Variants in CHST12 observed in about 807,000 individuals in gnomAD.
CHST12 encodes carbohydrate (chondroitin 4) sulfotransferase 12.
Under a neutral mutation model 27.9 loss-of-function variants are expected in CHST12, and 23 were observed. That is an observed-to-expected ratio of 0.82 (90% confidence interval 0.59 to 1.17). The LOEUF is 1.17. Ranked by LOEUF, CHST12 falls within the 50% of genes most tolerant of loss-of-function variation. CHST12 has a pLI of 0.00. For missense variants in CHST12, 682 were observed against 603.0 expected, an observed-to-expected ratio of 1.13 and a Z score of -1.37; for synonymous variants, 322 against 273.0, an observed-to-expected ratio of 1.18 and a Z score of -1.77.
In CHST12 at chr7:2,444,717, G is replaced by C. The variant is rs1782705870; in HGVS notation, c.*10833G>C. ...AGGCACTCAAGGAGGACAGCATTGG[G>C]AGATGGCTGGGTGGAGAGTCTGCGG... On this transcript the variant is annotated 3_prime_UTR_variant, in exon 2 of 2. Coordinates refer to ENST00000618655, the MANE Select transcript of CHST12 (RefSeq NM_018641.5). The C allele has an allele frequency of 6.6e-6, 1 of 152,330 alleles. No homozygotes were observed. Among genetic ancestry groups the C allele is most frequent in the African/African-American group, 2.4e-5 (1 of 41,448 alleles). The allele number at this position is 152,330 out of a possible 1,614,324, so 9.4% of individuals were successfully genotyped here. A position where few individuals can be genotyped will look rare whatever the true frequency, so the allele number is the denominator to read the frequency against.
rs1022685356 is a variant in CHST12 at position 2,441,496 on chromosome 7, C to A, written c.*7612C>A. 6.6e-6 allele frequency: 1 copy of A among 151,984 alleles called. No individual in the cohort carries two copies. The highest frequency in any genetic ancestry group is 6.6e-5 in the Admixed American group (1 of 15,244). 9.4% of individuals were successfully genotyped at this position (151,984 alleles called of 1,614,324 possible). On this transcript the variant is annotated 3_prime_UTR_variant, in exon 2 of 2. Coordinates refer to ENST00000618655, the MANE Select transcript of CHST12 (RefSeq NM_018641.5). ...TTGCTTGAGCCCAGAAGTTTGAGAC[C>A]AGTCTGGGCAACATAGTGGAAACTT...
chr7:2,418,081 C>G (rs573548021), intron 1 of CHST12, among the ~76,000 whole-genome samples: 30 of 152,220 alleles, frequency 2.0e-4, no homozygotes, highest in Non-Finnish European at 3.7e-4. Context: ...TGCTAGCTGC[C>G]TTTTCTTTCT....
At chr7:2,407,826 G>T (rs1352538735) in intron 1 of CHST12, among the ~76,000 whole-genome samples, 1 of 152,140 alleles carries the variant, frequency 6.6e-6, no homozygotes, top group Non-Finnish European at 1.5e-5. Context: ...TACTCAGGAG[G>T]CTGAGGCAGG....
intron 1 of CHST12, among the ~76,000 whole-genome samples, chr7:2,427,373 T>TAA (rs1432918210): frequency 2.0e-5 from 3 of 151,850 alleles, no homozygotes; most frequent in Admixed American, 6.6e-5. Flanking sequence ...CAGTGGTGTG[T>TAA]ATCTGCAGTC....
chr7:2,432,940 G>T lies in CHST12; in HGVS notation c.301G>T (p.Val101Leu). The T allele has an allele frequency of 1.2e-6, 2 of 1,612,342 alleles. No individual in the cohort carries two copies. The highest frequency in any genetic ancestry group is 1.7e-6 in the Non-Finnish European group (2 of 1,179,440). Residue 101 changes from valine (V) to leucine (L), a missense_variant, in exon 2 of 2, where the codon GTG becomes TTG. Coordinates refer to ENST00000618655, the MANE Select transcript of CHST12 (RefSeq NM_018641.5). ...PPAPGSMEES[V>L]RGYDWSPRDA... ...TGCGCCGGGGAGCATGGAGGAGAGC[G>T]TGAGAGGCTACGACTGGTCCCCGCG...
At chr7:2,426,944 T>C (rs930243922) in intron 1 of CHST12, among the ~76,000 whole-genome samples, 2 of 151,914 alleles carry the variant, frequency 1.3e-5, no homozygotes, top group African/African-American at 4.8e-5. Context: ...TGAGCCAAGA[T>C]CATGCCACTG....
chr7:2,431,585 C>A (rs1583224947), intron 1 of CHST12, among the ~76,000 whole-genome samples: 1 of 152,212 alleles, frequency 6.6e-6, no homozygotes, highest in Admixed American at 6.5e-5. Context: ...CTGGACCACA[C>A]TGACAGTACC....
At chr7:2,429,276 T>C (rs2115433629) in intron 1 of CHST12, among the ~76,000 whole-genome samples, 1 of 152,334 alleles carries the variant, frequency 6.6e-6, no homozygotes, top group South Asian at 2.1e-4. Flanking sequence ...GGTTTCGCCA[T>C]GTTGGCCAGG....
rs1782720645 is a variant in CHST12 at position 2,445,277 on chromosome 7, G to C, written c.*11393G>C. 1 of 152,254 alleles carries C rather than the reference G, an allele frequency of 6.6e-6. No homozygotes were observed. The highest frequency in any genetic ancestry group is 2.4e-5 in the African/African-American group (1 of 41,430). The allele number at this position is 152,254 out of a possible 1,614,324, so 9.4% of individuals were successfully genotyped here. ...TGTCCTGGGATGTTGTGGAGGACTT[G>C]GCACGCCCTGTCTCAGGCCTGGCTC... On this transcript the variant is annotated 3_prime_UTR_variant, in exon 2 of 2. Transcript: ENST00000618655.
chr7:2,433,412 A>C lies in CHST12; in HGVS notation c.773A>C (p.Lys258Thr), dbSNP rs1463862579. Residue 258 changes from lysine to threonine, a missense_variant, in exon 2 of 2, where the codon AAG becomes ACG. Transcript: ENST00000618655. This position sits in a 1 kb window ranked among gnomAD's most constrained non-coding sequence, Gnocchi z 6.1. ...CGCCTGATCTCCGCCTTCCGCAGCA[A>C]GTTCGAGCTGGAGAACGAGGAGTTC... ...FVRLISAFRSKFELENEEFYR... is the reference protein window; with the variant it reads ...FVRLISAFRSTFELENEEFYR... 1 of 1,609,654 alleles carries C rather than the reference A, an allele frequency of 6.2e-7. No homozygotes were observed. Among genetic ancestry groups the C allele is most frequent in the East Asian group, 2.2e-5 (1 of 44,862 alleles).
At chr7:2,407,542 A>C (rs1781555623) in intron 1 of CHST12, among the ~76,000 whole-genome samples, 1 of 152,208 alleles carries the variant, frequency 6.6e-6, no homozygotes, top group Non-Finnish European at 1.5e-5. Flanking sequence ...TAGAACCCAA[A>C]CTTTCTGGGT....
chr7:2,409,206 G>T (rs1269089645), intron 1 of CHST12, among the ~76,000 whole-genome samples: 6 of 152,156 alleles, frequency 3.9e-5, no homozygotes, highest in African/African-American at 1.2e-4. Context: ...GAGAAGGTGT[G>T]GGGAGGAGAG....
At chr7:2,403,727 C>T (rs1225959256) in intron 1 of CHST12, 54 bp downstream of exon 1, 1 of 152,240 alleles carries the variant, frequency 6.6e-6, no homozygotes, top group Admixed American at 6.6e-5. Flanking sequence ...CTCTCTCGGC[C>T]AGTGCTGGGC....
chr7:2,424,586 C>T (rs1453330285), intron 1 of CHST12, among the ~76,000 whole-genome samples: 1 of 152,146 alleles, frequency 6.6e-6, no homozygotes, highest in Non-Finnish European at 1.5e-5. Context: ...GGGCAATCCG[C>T]CTGTTTGTGC....
At chr7:2,414,966 CA>C (rs761957814) in intron 1 of CHST12, among the ~76,000 whole-genome samples, 13 of 152,224 alleles carry the variant, frequency 8.5e-5, no homozygotes, top group Admixed American at 7.2e-4. Flanking sequence ...TTTATCTCTA[CA>C]GGCATACTTC....
At chr7:2,421,489 T>C (rs1781975190) in intron 1 of CHST12, among the ~76,000 whole-genome samples, 1 of 149,788 alleles carries the variant, frequency 6.7e-6, no homozygotes, top group Non-Finnish European at 1.5e-5. Flanking sequence ...CAGGCTAGAG[T>C]GCGGTGACGC....
At chr7:2,429,907 A>C (rs911988776) in intron 1 of CHST12, among the ~76,000 whole-genome samples, 2 of 151,492 alleles carry the variant, frequency 1.3e-5, no homozygotes, top group African/African-American at 2.4e-5. Flanking sequence ...CTCAGCCTCC[A>C]GAGTAGCTAG....
chr7:2,424,469 TTTAGA>T (rs1261124583), intron 1 of CHST12, among the ~76,000 whole-genome samples: 4 of 152,082 alleles, frequency 2.6e-5, no homozygotes, highest in African/African-American at 4.8e-5. Context: ...GGCAGTGGCT[TTTAGA>T]GTCTAGTCCA....
rs945127144 is a variant in CHST12 at position 2,448,106 on chromosome 7, G to A, written c.*14222G>A. ...TGGTCTCGAACTCCTGGTCTCAAGT[G>A]ATCCGCCCTCCTCGGCCTTCCAAAA... On this transcript the variant is annotated 3_prime_UTR_variant, in exon 2 of 2. Coordinates refer to ENST00000618655, the MANE Select transcript of CHST12 (RefSeq NM_018641.5). 5.3e-5 allele frequency: 8 copies of A among 152,230 alleles called. No homozygotes were observed. Among genetic ancestry groups the A allele is most frequent in the African/African-American group, 1.9e-4 (8 of 41,454 alleles). The allele number at this position is 152,230 out of a possible 1,614,324, so 9.4% of individuals were successfully genotyped here.
Sources: allele counts gnomAD v4.1 joint callset (sites outside exome capture counted in the v4.1 genomes callset), GRCh38; gene constraint gnomAD v4.1.1; non-coding constraint Gnocchi (gnomAD v3.1); transcripts MANE v1.5; gene names NCBI Gene and HGNC (gene_info 2026-07-23, HGNC 2026-07-21).